The following ARMC8 variants were observed in gnomAD, a reference collection of about 807,000 sequenced individuals.
ARMC8 encodes armadillo repeat containing 8.
A neutral mutation model predicts 99.3 loss-of-function variants in ARMC8; 20 were observed. The ratio of observed to expected loss-of-function variants is 0.20; its 90% CI spans 0.14 to 0.29. The LOEUF (loss-of-function observed/expected upper bound fraction) is 0.29. Ranked by LOEUF, ARMC8 falls within the 10% of genes least tolerant of loss-of-function variation. The pLI, the probability that ARMC8 is intolerant of heterozygous loss-of-function variation, is 1.00. For synonymous variants in ARMC8, 263 were observed against 278.3 expected, an observed-to-expected ratio of 0.95 and a Z score of 0.55; for missense variants, 569 against 809.5, an observed-to-expected ratio of 0.70 and a Z score of 3.60.
chr3:138,263,888 C>A, intron 13 of ARMC8, 67 bp downstream of exon 13: 2 of 1,349,936 alleles, frequency 1.5e-6, no homozygotes, highest in South Asian at 1.2e-5. Flanking sequence ...CTTTCTGGTC[C>A]TTCACTGAGT....
chr3:138,187,547 G>C lies in ARMC8; in HGVS notation c.-8G>C. ...GGCGCCTGCAGCAGCCGGGTGGGAA[G>C]GCTCAAGATGGCGTGCTTGTTGGAG... On this transcript the variant is annotated 5_prime_UTR_variant, in exon 1 of 22. Coordinates refer to ENST00000469044, the MANE Select transcript of ARMC8 (RefSeq NM_001363941.2). The C allele has an allele frequency of 6.5e-7, 1 of 1,535,740 alleles. No homozygotes were observed. Among genetic ancestry groups the C allele is most frequent in the Non-Finnish European group, 8.7e-7 (1 of 1,146,644 alleles).
intron 1 of ARMC8, chr3:138,188,378 G>GTT (rs372071706): frequency 1.4e-3 from 1,556 of 1,097,018 alleles, no homozygotes; most frequent in South Asian, 2.9e-3. Flanking sequence ...AGTAAAACCT[G>GTT]TTTTTTTTTT....
At chr3:138,274,259 GTA>G (rs1165474876) in intron 17 of ARMC8, among the ~76,000 whole-genome samples, 188 bp from the exon 18 acceptor site, 2 of 151,166 alleles carry the variant, frequency 1.3e-5, no homozygotes, top group African/African-American at 4.9e-5. Context: ...GTGTGTGTGT[GTA>G]TGACATATTT....
chr3:138,191,247 A>G (rs547705845), intron 1 of ARMC8, among the ~76,000 whole-genome samples: 1 of 152,344 alleles, frequency 6.6e-6, no homozygotes, highest in Admixed American at 6.5e-5. Context: ...TCTAGACTGC[A>G]CTATGACCAC....
chr3:138,230,986 C>T (rs1186565735), intron 6 of ARMC8, among the ~76,000 whole-genome samples: 1 of 152,150 alleles, frequency 6.6e-6, no homozygotes, highest in Non-Finnish European at 1.5e-5. Flanking sequence ...TAACAGCCAG[C>T]CTCATACCAC....
At chr3:138,197,015 C>G (rs1380527846) in intron 1 of ARMC8, among the ~76,000 whole-genome samples, 1 of 152,096 alleles carries the variant, frequency 6.6e-6, no homozygotes, top group Non-Finnish European at 1.5e-5. Flanking sequence ...CAGTAATCTC[C>G]TAGAAGGTGT....
At chr3:138,246,558 T>C in intron 12 of ARMC8, 1 of 985,614 alleles carries the variant, frequency 1.0e-6, no homozygotes, top group African/African-American at 1.7e-5. Context: ...AGGATGGTTA[T>C]TAGGGCCCAT....
At chr3:138,202,729 A>G (rs939134920) in intron 1 of ARMC8, among the ~76,000 whole-genome samples, 3 of 152,200 alleles carry the variant, frequency 2.0e-5, no homozygotes, top group African/African-American at 4.8e-5. Flanking sequence ...TCTTTCTGCT[A>G]CATGATATCT....
chr3:138,253,657 A>G (rs563318081), intron 12 of ARMC8, among the ~76,000 whole-genome samples: 1 of 152,330 alleles, frequency 6.6e-6, no homozygotes, highest in East Asian at 1.9e-4. Flanking sequence ...TTTCTCTCAC[A>G]TAGCTTTTGG....
chr3:138,265,227 G>A (rs868660230), intron 14 of ARMC8, among the ~76,000 whole-genome samples: 2 of 151,936 alleles, frequency 1.3e-5, no homozygotes, highest in Non-Finnish European at 2.9e-5. Flanking sequence ...AACATTTTTG[G>A]TGTTAGGTCT....
At chr3:138,218,367 C>T (rs1258836364) in intron 2 of ARMC8, among the ~76,000 whole-genome samples, 1 of 152,166 alleles carries the variant, frequency 6.6e-6, no homozygotes, top group Non-Finnish European at 1.5e-5. Context: ...TAATCCATCT[C>T]CCTTTAGTTT....
intron 1 of ARMC8, among the ~76,000 whole-genome samples, chr3:138,201,662 T>G (rs183083916): frequency 2.0e-5 from 3 of 152,062 alleles, no homozygotes; most frequent in Non-Finnish European, 4.4e-5. Context: ...TGTTTCACCA[T>G]GTTGGTCAGG....
intron 18 of ARMC8, among the ~76,000 whole-genome samples, chr3:138,274,830 A>C (rs1336115348): frequency 6.6e-6 from 1 of 152,190 alleles, no homozygotes; most frequent in African/African-American, 2.4e-5. Flanking sequence ...TCCTGGAATG[A>C]ATCCTTTTTC....
At chr3:138,264,261 GTGAGC>G in intron 14 of ARMC8, 49 bp downstream of exon 14, 1 of 1,476,604 alleles carries the variant, frequency 6.8e-7, no homozygotes, top group Non-Finnish European at 9.5e-7. Flanking sequence ...AGACCCTAGA[GTGAGC>G]TGAGCTAGCT....
At chr3:138,266,095 G>A (rs776465346) in intron 14 of ARMC8, among the ~76,000 whole-genome samples, 6 of 152,082 alleles carry the variant, frequency 3.9e-5, no homozygotes, top group Non-Finnish European at 8.8e-5. Flanking sequence ...ATTTTCAGTG[G>A]GCCTGCCTAA....
At chr3:138,257,200 T>G (rs2047451556) in intron 12 of ARMC8, among the ~76,000 whole-genome samples, 1 of 152,260 alleles carries the variant, frequency 6.6e-6, no homozygotes, top group African/African-American at 2.4e-5. Context: ...GAGCAAGCAC[T>G]GCAACTGCCC....
intron 1 of ARMC8, among the ~76,000 whole-genome samples, chr3:138,197,528 T>G (rs528915486): frequency 9.2e-5 from 14 of 152,178 alleles, no homozygotes; most frequent in Non-Finnish European, 1.8e-4. Flanking sequence ...TAGCCTCACT[T>G]TGTTATGTGA....
intron 17 of ARMC8, among the ~76,000 whole-genome samples, 195 bp downstream of exon 17, chr3:138,273,311 C>A (rs575518319): frequency 6.6e-6 from 1 of 152,166 alleles, no homozygotes; most frequent in South Asian, 2.1e-4. Flanking sequence ...ACCATATCAC[C>A]CCCTATTCTC....
In ARMC8 at chr3:138,274,420, A is replaced by G. The variant is rs377531059; in HGVS notation, c.1630-29A>G. On this transcript the variant is annotated intron_variant, in intron 17 of 21. Coordinates refer to ENST00000469044, the MANE Select transcript of ARMC8 (RefSeq NM_001363941.2). ...TCGTCCTGTGGTCTTTGTTTCTTTG[A>G]TAATTATGGATTTCCCATTGTTTTA... 2.1e-6 allele frequency: 3 copies of G among 1,437,120 alleles called. No individual in the cohort carries two copies. The African/African-American group carries it at 4.3e-5, about 20-fold the overall frequency. The allele number at this position is 1,437,120 out of a possible 1,614,324, so 89.0% of individuals were successfully genotyped here. A position where few individuals can be genotyped will look rare whatever the true frequency, so the allele number is the denominator to read the frequency against.
Sources: allele counts gnomAD v4.1 joint callset (sites outside exome capture counted in the v4.1 genomes callset), GRCh38; gene constraint gnomAD v4.1.1; transcripts MANE v1.5; gene names NCBI Gene and HGNC (gene_info 2026-07-23, HGNC 2026-07-21).